SPATA6L: variants seen among roughly 807,000 people sequenced by gnomAD.
SPATA6L encodes spermatogenesis associated 6 like, also known as spermatogenesis associated 6-like protein.
Under a neutral mutation model 49.2 loss-of-function variants are expected in SPATA6L, and 68 were observed. That is an observed-to-expected ratio of 1.38 (90% CI 1.14 to 1.69). SPATA6L has a LOEUF of 1.69. Among genes scored for constraint, SPATA6L ranks in the 40% most tolerant of loss-of-function variants. The probability of loss-of-function intolerance (pLI) is 0.00; values close to 1 mark genes in which losing one functional copy is unlikely to be tolerated. For synonymous variants in SPATA6L, 198 were observed against 165.7 expected, an observed-to-expected ratio of 1.19 and a Z score of -1.50; for missense variants, 668 against 464.3, an observed-to-expected ratio of 1.44 and a Z score of -4.03.
intron 3 of SPATA6L, among the ~76,000 whole-genome samples, chr9:4,644,795 G>A (rs181510835): frequency 6.6e-6 from 1 of 152,142 alleles, no homozygotes; most frequent in Admixed American, 6.5e-5. Flanking sequence ...TGGTGCCACT[G>A]GGTGGCAGGT....
At chr9:4,605,655 GTGTTTC>G (rs1824618047) in intron 9 of SPATA6L, among the ~76,000 whole-genome samples, 1 of 152,180 alleles carries the variant, frequency 6.6e-6, no homozygotes, top group South Asian at 2.1e-4. Context: ...AGAATTTTTT[GTGTTTC>G]TATGTGTGGC....
chr9:4,593,363 A>G (rs1288612370), downstream of SPATA6L, among the ~76,000 whole-genome samples: 1 of 152,108 alleles, frequency 6.6e-6, no homozygotes, highest in Non-Finnish European at 1.5e-5. Flanking sequence ...CTAGCTGCCC[A>G]GCCTCACCTC....
intron 4 of SPATA6L, 106 bp from the exon 5 acceptor site, chr9:4,629,274 C>A: frequency 1.5e-6 from 1 of 668,348 alleles, no homozygotes. Flanking sequence ...TTCTGTGTGG[C>A]ATAATCCACA....
chr9:4,643,672 A>G lies in SPATA6L; in HGVS notation c.227-8273T>C, dbSNP rs540946167. On this transcript the variant is annotated intron_variant, in intron 3 of 11. Transcript: ENST00000682582. ...AATACTATTTATAGACCTATAAAAA[A>G]CACATATGTAAATTAATAAAATTCT... Among the ~76,000 whole-genome samples the G allele has an allele frequency of 6.6e-5, 10 of 152,324 alleles. No homozygotes were observed. The East Asian group carries it at 1.7e-3, about 26-fold the overall frequency.
At chr9:4,598,086 C>A (rs1822450477), downstream of SPATA6L, among the ~76,000 whole-genome samples, 2 of 152,110 alleles carry the variant, frequency 1.3e-5, no homozygotes, top group Non-Finnish European at 2.9e-5. Flanking sequence ...TAATTCATGG[C>A]CTACAGGCTT....
At chr9:4,635,469 G>A in intron 3 of SPATA6L, 70 bp from the exon 4 acceptor site, 3 of 1,442,284 alleles carry the variant, frequency 2.1e-6, no homozygotes, top group South Asian at 2.9e-5. Flanking sequence ...TAAAAGTTCA[G>A]GCAGATGATG....
At position 4,605,500 on chromosome 9, in the gene SPATA6L, C is replaced by G. The variant is rs796231094; in HGVS notation, c.996-60G>C. 128 of 1,169,450 alleles carry G rather than the reference C, an allele frequency of 1.1e-4. 1 individual carries two copies. The highest frequency in any genetic ancestry group is 7.7e-4 in the Middle Eastern group (4 of 5,186). The allele number at this position is 1,169,450 out of a possible 1,614,324, so 72.4% of individuals were successfully genotyped here. Reference sequence around the variant, plus strand: ...CAGCTACTAAAAAGGACACTTAAAGCACATGACGGTATGGATTGATATTTA... The same window carrying G: ...CAGCTACTAAAAAGGACACTTAAAGGACATGACGGTATGGATTGATATTTA... On this transcript the variant is annotated intron_variant, in intron 9 of 11. Transcript: ENST00000682582.
chr9:4,654,473 C>T (rs1384761268), intron 3 of SPATA6L, among the ~76,000 whole-genome samples: 2 of 152,078 alleles, frequency 1.3e-5, no homozygotes, highest in Non-Finnish European at 1.5e-5. Context: ...TACAGTTTGC[C>T]GTCTATAGGT....
At chr9:4,629,035 A>G in intron 5 of SPATA6L, 56 bp downstream of exon 5, 1 of 1,330,738 alleles carries the variant, frequency 7.5e-7, no homozygotes, top group Non-Finnish European at 1.0e-6. Flanking sequence ...AAAATTCTTT[A>G]AATTTGAAAA....
chr9:4,626,468 C>T (rs891575992), intron 5 of SPATA6L: 8 of 1,304,406 alleles, frequency 6.1e-6, no homozygotes, highest in Non-Finnish European at 6.1e-6. Context: ...AGCCCTTCTC[C>T]AGAGGTCTGG....
At chr9:4,639,165 T>C (rs1280006431) in intron 3 of SPATA6L, among the ~76,000 whole-genome samples, 10 of 152,160 alleles carry the variant, frequency 6.6e-5, no homozygotes, top group Non-Finnish European at 5.9e-5. Flanking sequence ...ATTACCACGA[T>C]TGCTCCCTGA....
intron 3 of SPATA6L, among the ~76,000 whole-genome samples, chr9:4,654,876 G>C (rs1837758127): frequency 6.6e-6 from 1 of 152,186 alleles, no homozygotes; most frequent in Non-Finnish European, 1.5e-5. Flanking sequence ...GGGCGGGAAA[G>C]CAGGAGTGCC....
intron 2 of SPATA6L, among the ~76,000 whole-genome samples, chr9:4,659,541 A>G (rs183395975): frequency 6.6e-5 from 10 of 152,150 alleles, no homozygotes; most frequent in African/African-American, 9.7e-5. Context: ...ACACAAACAA[A>G]CGGAAGAAGA....
chr9:4,659,439 G>C (rs938728314), intron 2 of SPATA6L, among the ~76,000 whole-genome samples: 10 of 151,128 alleles, frequency 6.6e-5, no homozygotes, highest in African/African-American at 2.4e-4. Flanking sequence ...GCTTCAAAGA[G>C]AATAAAATAT....
intron 5 of SPATA6L, 182 bp from the exon 6 acceptor site, chr9:4,625,748 A>G: frequency 4.6e-6 from 2 of 438,904 alleles, no homozygotes; most frequent in Non-Finnish European, 7.8e-6. Context: ...TCAGTTTAAC[A>G]TCAGTAGTAT....
intron 11 of SPATA6L, among the ~76,000 whole-genome samples, chr9:4,603,859 A>C (rs2130080643): frequency 6.6e-6 from 1 of 152,320 alleles, no homozygotes; most frequent in African/African-American, 2.4e-5. Context: ...TTCCAGATGG[A>C]GAAAACAACA....
intron 2 of SPATA6L, among the ~76,000 whole-genome samples, chr9:4,658,558 C>CAGCT (rs1015756471): frequency 6.6e-6 from 1 of 152,110 alleles, no homozygotes; most frequent in African/African-American, 2.4e-5. Flanking sequence ...CTCAAATGTA[C>CAGCT]AGCTTTTCAA....
chr9:4,657,340 G>A (rs1429474176), intron 2 of SPATA6L, among the ~76,000 whole-genome samples: 3 of 151,980 alleles, frequency 2.0e-5, no homozygotes, highest in Non-Finnish European at 4.4e-5. Flanking sequence ...CCATTGTTAT[G>A]GGTTGAATTG....
chr9:4,650,660 T>TTTTG (rs1393230948), intron 3 of SPATA6L, among the ~76,000 whole-genome samples: 1 of 152,208 alleles, frequency 6.6e-6, no homozygotes, highest in East Asian at 1.9e-4. Context: ...AGAAATAATT[T>TTTTG]TTTGTTTGTT....
Sources: gnomAD v4.1 joint callset for allele counts (sites outside exome capture counted in the v4.1 genomes callset) on GRCh38, gnomAD v4.1.1 for gene constraint, MANE v1.5 for transcripts, NCBI Gene and HGNC (gene_info 2026-07-23, HGNC 2026-07-21) for gene names.